Variants in UNC13C observed in about 807,000 individuals in gnomAD.
UNC13C encodes the protein protein unc-13 homolog C.
A neutral mutation model predicts 245.4 loss-of-function variants in UNC13C; 174 were observed. That is an observed-to-expected ratio of 0.71 (90% CI 0.63 to 0.80). The LOEUF (loss-of-function observed/expected upper bound fraction) is 0.80, where lower values mean the gene tolerates loss of function less well. UNC13C is among the 30% of genes least tolerant of loss of function. The pLI is 0.00. For missense variants in UNC13C, 2,829 were observed against 2,602.9 expected, an observed-to-expected ratio of 1.09 and a Z score of -1.89; for synonymous variants, 992 against 895.1, an observed-to-expected ratio of 1.11 and a Z score of -1.93.
chr15:54,030,983 C>T (rs1047484585), intron 2 of UNC13C, among the ~76,000 whole-genome samples: 7 of 151,990 alleles, frequency 4.6e-5, no homozygotes, highest in African/African-American at 1.7e-4. Context: ...CATAGTACAC[C>T]TCTTTTTCCA....
the UNC13C span, among the ~76,000 whole-genome samples, chr15:53,932,843 C>T: frequency 1.3e-5 from 2 of 152,200 alleles, no homozygotes; most frequent in African/African-American, 4.8e-5. Context: ...AACCCACATA[C>T]TCAACTATCT....
At chr15:54,549,305 G>A (rs1896629719) in intron 27 of UNC13C, among the ~76,000 whole-genome samples, 1 of 152,076 alleles carries the variant, frequency 6.6e-6, no homozygotes, top group Admixed American at 6.6e-5. Context: ...AGTAGAATGA[G>A]GAAGTTGCCT....
At chr15:54,094,993 T>C (rs987942853) in intron 2 of UNC13C, among the ~76,000 whole-genome samples, 2 of 152,228 alleles carry the variant, frequency 1.3e-5, no homozygotes, top group Non-Finnish European at 2.9e-5. Context: ...AAACCCATTC[T>C]GGTGGCCTCT....
intron 2 of UNC13C, among the ~76,000 whole-genome samples, chr15:54,033,424 T>C (rs1481170084): frequency 6.6e-6 from 1 of 152,216 alleles, no homozygotes; most frequent in Admixed American, 6.5e-5. Context: ...TGCTAACTTA[T>C]TGACTTATCT....
At chr15:54,586,941 A>C (rs957560710) in intron 30 of UNC13C, among the ~76,000 whole-genome samples, 1 of 152,184 alleles carries the variant, frequency 6.6e-6, no homozygotes, top group Non-Finnish European at 1.5e-5. Context: ...AGCTGTACAG[A>C]CTGTTAGGCC....
chr15:53,968,983 G>A, the UNC13C span, among the ~76,000 whole-genome samples: 12 of 152,090 alleles, frequency 7.9e-5, no homozygotes, highest in Admixed American at 7.2e-4. Context: ...TATCACGCTC[G>A]ACTGACTTAA....
intron 30 of UNC13C, among the ~76,000 whole-genome samples, chr15:54,588,662 C>T (rs528698693): frequency 2.0e-5 from 3 of 152,274 alleles, no homozygotes; most frequent in South Asian, 2.1e-4. Flanking sequence ...CCCAAGTTCC[C>T]GAAGTCCATT....
intron 13 of UNC13C, among the ~76,000 whole-genome samples, chr15:54,308,974 G>A (rs566390210): frequency 3.2e-4 from 48 of 151,900 alleles, no homozygotes; most frequent in African/African-American, 1.2e-3. Context: ...ATATGGGTGT[G>A]CGGATATTTC....
At chr15:54,066,357 G>A (rs140847076) in intron 2 of UNC13C, among the ~76,000 whole-genome samples, 2 of 152,244 alleles carry the variant, frequency 1.3e-5, no homozygotes, top group East Asian at 3.9e-4. Flanking sequence ...ACCTGAGAAT[G>A]GTCTTTGAAA....
chr15:54,469,498 T>C (rs1310220044), intron 19 of UNC13C, among the ~76,000 whole-genome samples: 1 of 151,604 alleles, frequency 6.6e-6, no homozygotes, highest in Non-Finnish European at 1.5e-5. Flanking sequence ...CAGGACCCCC[T>C]GTAGATACCA....
chr15:54,221,731 A>G (rs932967495), intron 4 of UNC13C, among the ~76,000 whole-genome samples: 1 of 152,056 alleles, frequency 6.6e-6, no homozygotes, highest in Non-Finnish European at 1.5e-5. Flanking sequence ...AAACAGAAAC[A>G]CTGCATTTTC....
intron 24 of UNC13C, among the ~76,000 whole-genome samples, chr15:54,523,981 G>T (rs1250265166): frequency 1.3e-5 from 2 of 152,208 alleles, no homozygotes; most frequent in African/African-American, 2.4e-5. Flanking sequence ...CAGCCTGCAT[G>T]ATTCCTTAGG....
chr15:54,012,195 T>TTA (rs565165605), intron 1 of UNC13C, among the ~76,000 whole-genome samples: 19 of 152,084 alleles, frequency 1.2e-4, no homozygotes, highest in Middle Eastern at 3.4e-3. Context: ...TCAAAAGAGG[T>TTA]TATATATATA....
chr15:54,254,994 C>T (rs2036243269), intron 8 of UNC13C, among the ~76,000 whole-genome samples: 1 of 152,142 alleles, frequency 6.6e-6, no homozygotes, highest in Non-Finnish European at 1.5e-5. Context: ...GTTCCCATGT[C>T]CTCCTTGCAG....
intron 4 of UNC13C, among the ~76,000 whole-genome samples, chr15:54,227,944 G>A (rs1484743441): frequency 6.6e-6 from 1 of 152,338 alleles, no homozygotes. Context: ...AGGATAGTGA[G>A]TTCGCTCTCA....
chr15:53,874,449 C>T, the UNC13C span, among the ~76,000 whole-genome samples: 2 of 152,142 alleles, frequency 1.3e-5, no homozygotes, highest in Non-Finnish European at 2.9e-5. Context: ...AGGTGTTTAC[C>T]TCTATGACAT....
intron 2 of UNC13C, among the ~76,000 whole-genome samples, chr15:54,115,748 C>T (rs1001099736): frequency 1.6e-4 from 25 of 152,006 alleles, no homozygotes; most frequent in African/African-American, 5.8e-4. Context: ...CAGAAATATT[C>T]ATTGATTACT....
chr15:53,919,124 T>A, the UNC13C span, among the ~76,000 whole-genome samples: 1 of 152,154 alleles, frequency 6.6e-6, no homozygotes, highest in East Asian at 1.9e-4. Context: ...TACTGCAGAG[T>A]AATGCTTAAA....
intron 2 of UNC13C, among the ~76,000 whole-genome samples, chr15:54,122,793 A>G (rs540967352): frequency 6.6e-6 from 1 of 152,042 alleles, no homozygotes; most frequent in Non-Finnish European, 1.5e-5. Context: ...CCATATTTGT[A>G]TGTGTATCAG....
Sources: allele counts gnomAD v4.1 joint callset (sites outside exome capture counted in the v4.1 genomes callset), GRCh38; gene constraint gnomAD v4.1.1; transcripts MANE v1.5; gene names NCBI Gene and HGNC (gene_info 2026-07-23, HGNC 2026-07-21).